Variants in KCNMB2 observed in about 807,000 individuals in gnomAD.
KCNMB2 encodes calcium-activated potassium channel subunit beta-2.
In KCNMB2, 9 loss-of-function variants were observed where a neutral mutation model predicts 24.5. The ratio of observed to expected loss-of-function variants is 0.37; its 90% CI spans 0.22 to 0.64. KCNMB2 has a LOEUF of 0.64. KCNMB2 is among the 30% of genes least tolerant of loss of function. The pLI is 0.63. For missense variants in KCNMB2, 226 were observed against 284.3 expected (o/e 0.79, Z 1.47); for synonymous variants, 109 against 104.4 (o/e 1.04, Z -0.27).
chr3:178,720,355 C>T (rs113540066), intron 1 of KCNMB2, among the ~76,000 whole-genome samples: 3,348 of 144,514 alleles, frequency 0.023, 115 homozygotes, highest in African/African-American at 0.084. Context: ...GTATATGTGC[C>T]ACATTTTCTT....
intron 1 of KCNMB2, among the ~76,000 whole-genome samples, chr3:178,755,972 A>G (rs555696341): frequency 2.6e-5 from 4 of 152,216 alleles, no homozygotes; most frequent in Non-Finnish European, 5.9e-5. Flanking sequence ...GTCAGGGTTC[A>G]GGCACTGCTG....
intron 1 of KCNMB2, among the ~76,000 whole-genome samples, chr3:178,646,506 T>C (rs762229761): frequency 8.5e-5 from 13 of 152,072 alleles, no homozygotes; most frequent in Non-Finnish European, 1.8e-4. Context: ...TATAGGAAGA[T>C]AAAAGGGAAA....
At chr3:178,729,684 G>A (rs765391899) in intron 1 of KCNMB2, among the ~76,000 whole-genome samples, 8 of 152,084 alleles carry the variant, frequency 5.3e-5, no homozygotes, top group Non-Finnish European at 8.8e-5. Flanking sequence ...TTCATTTCCA[G>A]GCATATTTTA....
intron 1 of KCNMB2, among the ~76,000 whole-genome samples, chr3:178,764,196 A>G (rs1443313052): frequency 6.6e-6 from 1 of 152,220 alleles, no homozygotes; most frequent in Non-Finnish European, 1.5e-5. Flanking sequence ...CTTTGTGCAA[A>G]TACATTTATT....
At chr3:178,799,203 T>C (rs1381520150) in intron 1 of KCNMB2, among the ~76,000 whole-genome samples, 2 of 152,060 alleles carry the variant, frequency 1.3e-5, no homozygotes, top group African/African-American at 2.4e-5. Flanking sequence ...GGGAGAGAAA[T>C]AGAAGACATC....
chr3:178,786,806 C>CA (rs1210070197), intron 1 of KCNMB2, among the ~76,000 whole-genome samples: 1 of 135,936 alleles, frequency 7.4e-6, no homozygotes, highest in Non-Finnish European at 1.6e-5. Context: ...CACCTAAAGC[C>CA]AAAAAATAAA....
chr3:178,750,183 A>C (rs1169842672), intron 1 of KCNMB2, among the ~76,000 whole-genome samples: 1 of 151,936 alleles, frequency 6.6e-6, no homozygotes, highest in Non-Finnish European at 1.5e-5. Flanking sequence ...CTCTGCCAGT[A>C]AGATACCATG....
intron 1 of KCNMB2, among the ~76,000 whole-genome samples, chr3:178,681,750 C>T (rs1420634402): frequency 6.6e-6 from 1 of 152,178 alleles, no homozygotes; most frequent in African/African-American, 2.4e-5. Flanking sequence ...CTTGTCTTCT[C>T]AAGTAGACAA....
rs181286482 is a variant in KCNMB2 at position 178,660,446 on chromosome 3, C to T, written c.-68+123735C>T. ...CTGGGACTGAGTTCTCACTGGGGCC[C>T]CTTCCCAAGAAGGACCACCTGGAAC... On this transcript the variant is annotated intron_variant, in intron 1 of 4. Coordinates refer to ENST00000452583, the MANE Select transcript of KCNMB2 (RefSeq NM_181361.3). Among the ~76,000 whole-genome samples the T allele has an allele frequency of 5.9e-5, 9 of 152,260 alleles. No individual in the cohort carries two copies. The East Asian group carries it at 1.7e-3, about 29-fold the overall frequency.
At chr3:178,760,998 A>C (rs1044623759) in intron 1 of KCNMB2, among the ~76,000 whole-genome samples, 1 of 152,186 alleles carries the variant, frequency 6.6e-6, no homozygotes, top group African/African-American at 2.4e-5. Flanking sequence ...CTCGGCATTA[A>C]GAAATTGGAT....
intron 1 of KCNMB2, among the ~76,000 whole-genome samples, chr3:178,607,463 T>C (rs1325063599): frequency 6.6e-6 from 1 of 152,216 alleles, no homozygotes; most frequent in African/African-American, 2.4e-5. Flanking sequence ...CTTCTTGTTC[T>C]AGACTGCCCA....
chr3:178,557,877 A>G (rs576749976), intron 1 of KCNMB2, among the ~76,000 whole-genome samples: 4 of 152,298 alleles, frequency 2.6e-5, no homozygotes, highest in South Asian at 4.1e-4. Context: ...CCACCATCAA[A>G]CAGCAAGTTA....
chr3:178,750,153 G>A (rs1317826303), intron 1 of KCNMB2, among the ~76,000 whole-genome samples: 1 of 150,910 alleles, frequency 6.6e-6, no homozygotes, highest in Non-Finnish European at 1.5e-5. Flanking sequence ...AGTCCAATGG[G>A]AATTAAAATA....
chr3:178,809,429 T>C (rs1307382433), intron 2 of KCNMB2, among the ~76,000 whole-genome samples: 1 of 152,256 alleles, frequency 6.6e-6, no homozygotes, highest in African/African-American at 2.4e-5. Context: ...TCTCTTAAGA[T>C]AGATATTATT....
At chr3:178,720,847 A>G (rs1335205267) in intron 1 of KCNMB2, among the ~76,000 whole-genome samples, 1 of 150,320 alleles carries the variant, frequency 6.7e-6, no homozygotes, top group Non-Finnish European at 1.5e-5. Context: ...TTTCTTGTAA[A>G]TTTGTTTGAG....
chr3:178,559,389 C>G (rs1716235049), intron 1 of KCNMB2, among the ~76,000 whole-genome samples: 1 of 151,574 alleles, frequency 6.6e-6, no homozygotes, highest in South Asian at 2.1e-4. Context: ...TTTTTCTCAG[C>G]CTTTCAAATT....
intron 1 of KCNMB2, among the ~76,000 whole-genome samples, chr3:178,587,409 A>G (rs1000547344): frequency 2.6e-5 from 4 of 151,874 alleles, no homozygotes; most frequent in Admixed American, 2.6e-4. Flanking sequence ...AACTCAGGAG[A>G]TTATCTTTTC....
At chr3:178,691,073 G>A (rs1367997088) in intron 1 of KCNMB2, among the ~76,000 whole-genome samples, 1 of 145,840 alleles carries the variant, frequency 6.9e-6, no homozygotes, top group Admixed American at 6.9e-5. Flanking sequence ...GAGTAGCTGG[G>A]ACTACAGGTG....
At chr3:178,618,149 C>T (rs1055603815) in intron 1 of KCNMB2, among the ~76,000 whole-genome samples, 19 of 151,956 alleles carry the variant, frequency 1.3e-4, no homozygotes, top group Admixed American at 6.6e-4. Flanking sequence ...AATTATGGTT[C>T]CACAAGCTCA....
Sources: gnomAD v4.1 joint callset for allele counts (sites outside exome capture counted in the v4.1 genomes callset) on GRCh38, gnomAD v4.1.1 for gene constraint, MANE v1.5 for transcripts, NCBI Gene and HGNC (gene_info 2026-07-23, HGNC 2026-07-21) for gene names.